The following BET1 variants were observed in gnomAD, a reference collection of about 807,000 sequenced individuals.
BET1 encodes the protein BET1 homolog.
BET1 carries 9 observed loss-of-function variants against 13.9 expected under a neutral mutation model. The observed-to-expected ratio is 0.65, with a 90% CI of 0.39 to 1.13. BET1 has a LOEUF of 1.13. BET1 is among the 50% of genes most tolerant of loss of function. The pLI is 0.01. For missense variants in BET1, 127 were observed against 133.6 expected, an observed-to-expected ratio of 0.95 and a Z score of 0.24; for synonymous variants, 39 against 47.3, an observed-to-expected ratio of 0.82 and a Z score of 0.72.
intron 6 of BET1, among the ~76,000 whole-genome samples, chr7:93,969,116 G>A (rs949581477): frequency 2.6e-5 from 4 of 151,938 alleles, no homozygotes; most frequent in Middle Eastern, 3.4e-3. Context: ...GATGTGAAAC[G>A]CTTGTGTCAC....
intron 6 of BET1, chr7:93,968,510 T>C (rs1795210192): frequency 6.6e-6 from 1 of 151,868 alleles, no homozygotes; most frequent in Non-Finnish European, 1.5e-5. Flanking sequence ...AACATCAATG[T>C]GTCTAAAGGG....
chr7:93,968,918 G>T (rs1057506714), intron 6 of BET1, among the ~76,000 whole-genome samples: 2 of 151,802 alleles, frequency 1.3e-5, no homozygotes, highest in African/African-American at 4.8e-5. Flanking sequence ...TAGGGGATCT[G>T]TGTTCTTTTC....
downstream of BET1, chr7:93,991,657 G>A: frequency 3.3e-6 from 1 of 301,102 alleles, no homozygotes; most frequent in Non-Finnish European, 4.9e-6. Context: ...TACAAACAGA[G>A]AAACTGAGAT....
chr7:93,994,274 A>C lies in BET1; in HGVS notation c.313T>G (p.Leu105Val). 1 of 1,610,438 alleles carries C rather than the reference A, an allele frequency of 6.2e-7. No individual in the cohort carries two copies. The highest frequency in any genetic ancestry group is 8.5e-7 in the Non-Finnish European group (1 of 1,178,852). ...KLLCYMMLFS[L>V]FVFFIIYWII... ...CAATAAATGATAAAAAAGACAAATA[A>C]AGAAAACAGCATCATATAGCACAGC... The change falls in exon 4 of 4, where the codon TTA (leucine) becomes GTA (valine). Residue 105 changes from leucine (L) to valine (V), a missense_variant. Physicochemically the swap from Leu to Val is conservative, Grantham distance 32. Coordinates refer to ENST00000222547, the MANE Select transcript of BET1 (RefSeq NM_005868.6).
At chr7:93,970,968 G>A (rs1331924183) in intron 6 of BET1, among the ~76,000 whole-genome samples, 3 of 151,714 alleles carry the variant, frequency 2.0e-5, no homozygotes, top group Non-Finnish European at 4.4e-5. Flanking sequence ...TCCCTGAATA[G>A]GGGGACATGC....
chr7:93,978,596 T>C (rs567173811), intron 4 of BET1, among the ~76,000 whole-genome samples: 8 of 152,362 alleles, frequency 5.3e-5, no homozygotes, highest in Admixed American at 2.0e-4. Flanking sequence ...TTCATATGCT[T>C]CCTTTTTCTA....
downstream of BET1, chr7:93,992,361 T>C: frequency 1.0e-6 from 1 of 985,382 alleles, no homozygotes; most frequent in Non-Finnish European, 1.2e-6. Context: ...AATCCTGAAA[T>C]CCATCCTTCT....
At chr7:93,975,404 G>A (rs986890054) in intron 5 of BET1, among the ~76,000 whole-genome samples, 1 of 152,006 alleles carries the variant, frequency 6.6e-6, no homozygotes, top group Non-Finnish European at 1.5e-5. Flanking sequence ...GAAAGTGAAA[G>A]TGCAGACGAT....
At chr7:93,983,260 C>T (rs1246790577) in intron 4 of BET1, among the ~76,000 whole-genome samples, 1 of 152,120 alleles carries the variant, frequency 6.6e-6, no homozygotes, top group East Asian at 1.9e-4. Context: ...ACACATCCTC[C>T]CTTTCACTTC....
intron 4 of BET1, among the ~76,000 whole-genome samples, chr7:93,979,185 C>T (rs1255233516): frequency 1.3e-5 from 2 of 152,028 alleles, no homozygotes; most frequent in African/African-American, 4.8e-5. Flanking sequence ...ATCCCTTTGG[C>T]TTCTGGAGTG....
At chr7:93,984,477 T>C (rs750854067) in intron 4 of BET1, among the ~76,000 whole-genome samples, 2 of 152,144 alleles carry the variant, frequency 1.3e-5, no homozygotes, top group East Asian at 3.9e-4. Context: ...TAGGTGAACA[T>C]TAATTGTAAG....
intron 1 of BET1, 110 bp from the exon 2 acceptor site, chr7:93,999,404 T>C (rs1795846041): frequency 7.7e-7 from 1 of 1,303,952 alleles, no homozygotes; most frequent in African/African-American, 1.5e-5. Context: ...ACCACATATG[T>C]CTCTAATATT....
downstream of BET1, chr7:93,992,261 C>T: frequency 6.1e-6 from 6 of 985,254 alleles, no homozygotes; most frequent in Non-Finnish European, 7.2e-6. Flanking sequence ...ACCCAAAATC[C>T]CTTTTCCTGA....
downstream of BET1, among the ~76,000 whole-genome samples, chr7:93,988,332 C>CAT (rs1464365632): frequency 6.6e-6 from 1 of 152,092 alleles, no homozygotes; most frequent in Non-Finnish European, 1.5e-5. Context: ...TGTGCATAGG[C>CAT]CATCAAACAC....
intron 4 of BET1, among the ~76,000 whole-genome samples, chr7:93,982,222 A>G (rs1014274357): frequency 2.0e-5 from 3 of 152,108 alleles, no homozygotes; most frequent in Non-Finnish European, 2.9e-5. Context: ...AAATATAGAT[A>G]TATAGATCAG....
intron 6 of BET1, among the ~76,000 whole-genome samples, chr7:93,971,838 T>A (rs1430431797): frequency 6.6e-6 from 1 of 151,828 alleles, no homozygotes; most frequent in African/African-American, 2.4e-5. Flanking sequence ...ATATGGTAAC[T>A]TTCCATGAAG....
At chr7:93,987,171 G>A (rs1217878070) in intron 4 of BET1, 1 of 151,948 alleles carries the variant, frequency 6.6e-6, no homozygotes, top group African/African-American at 2.4e-5. Flanking sequence ...TAACTCACCG[G>A]ATCGACTTGG....
chr7:93,998,135 G>C (rs1795812164), intron 2 of BET1, among the ~76,000 whole-genome samples: 1 of 152,158 alleles, frequency 6.6e-6, no homozygotes, highest in South Asian at 2.1e-4. Flanking sequence ...AATTTGTCTA[G>C]CAGGAAGCAC....
At chr7:93,973,720 G>A (rs1795294798) in intron 5 of BET1, among the ~76,000 whole-genome samples, 1 of 151,994 alleles carries the variant, frequency 6.6e-6, no homozygotes, top group South Asian at 2.1e-4. Flanking sequence ...TGAGAAGGCT[G>A]AAACACAAAG....
Sources: allele counts gnomAD v4.1 joint callset (sites outside exome capture counted in the v4.1 genomes callset), GRCh38; gene constraint gnomAD v4.1.1; transcripts MANE v1.5; gene names NCBI Gene and HGNC (gene_info 2026-07-23, HGNC 2026-07-21).